The following ABCB11 variants were observed in gnomAD, a reference collection of about 807,000 sequenced individuals.
ABCB11 encodes bile salt export pump.
Under a neutral mutation model 148.0 loss-of-function variants are expected in ABCB11, and 95 were observed. The observed-to-expected ratio is 0.64, with a 90% CI of 0.54 to 0.76. The LOEUF is 0.76. Ranked by LOEUF, ABCB11 falls within the 30% of genes least tolerant of loss-of-function variation. The probability of loss-of-function intolerance (pLI) is 0.00; values close to 1 mark genes in which losing one functional copy is unlikely to be tolerated. For synonymous variants in ABCB11, 591 were observed against 555.4 expected, an observed-to-expected ratio of 1.06 and a Z score of -0.90; for missense variants, 1,523 against 1,617.8, an observed-to-expected ratio of 0.94 and a Z score of 1.01.
intron 10 of ABCB11, among the ~76,000 whole-genome samples, chr2:168,983,341 G>A (rs1694198133): frequency 6.6e-6 from 1 of 152,084 alleles, no homozygotes; most frequent in Non-Finnish European, 1.5e-5. Context: ...GTTCTTAGGA[G>A]GAATTGGATC....
intron 4 of ABCB11, 66 bp downstream of exon 4, chr2:169,014,237 T>TGAGG: frequency 6.9e-7 from 1 of 1,440,326 alleles, no homozygotes; most frequent in Non-Finnish European, 9.8e-7. Context: ...GATTTAACAC[T>TGAGG]CCCCTCATGA....
Position 168,944,781 on chromosome 2 carries a change from G to A in ABCB11, c.2449-15C>T, listed in dbSNP as rs1692227425. 1 of 1,609,476 alleles carries A rather than the reference G, an allele frequency of 6.2e-7. No homozygotes were observed. The highest frequency in any genetic ancestry group is 1.3e-5 in the African/African-American group (1 of 74,612). On this transcript the variant is annotated splice_polypyrimidine_tract_variant and intron_variant, in intron 20 of 27. Transcript: ENST00000650372. ...AAGGCATATCCCTAAAACATGAAGA[G>A]GGAGATGTTAGAGAAATTTTAATGA...
At chr2:168,925,160 A>G (rs2105877598) in intron 26 of ABCB11, among the ~76,000 whole-genome samples, 1 of 152,310 alleles carries the variant, frequency 6.6e-6, no homozygotes, top group South Asian at 2.1e-4. Flanking sequence ...AATCCTTCCA[A>G]TATGGACTAA....
intron 22 of ABCB11, among the ~76,000 whole-genome samples, 196 bp from the exon 23 acceptor site, chr2:168,935,621 G>A (rs1458420469): frequency 6.6e-6 from 1 of 152,146 alleles, no homozygotes; most frequent in Non-Finnish European, 1.5e-5. Flanking sequence ...TTAAATTCAA[G>A]TTTCCCTTAA....
intron 10 of ABCB11, among the ~76,000 whole-genome samples, chr2:168,980,381 A>G (rs929334935): frequency 1.3e-5 from 2 of 152,134 alleles, no homozygotes; most frequent in African/African-American, 4.8e-5. Flanking sequence ...ACAGACACTA[A>G]GATCAGCCTG....
At position 168,986,159 on chromosome 2, in the gene ABCB11, G is replaced by A. The variant is rs1694312136; in HGVS notation, c.1034C>T (p.Ser345Phe). The change falls in exon 10 of 28, where the codon TCC (serine) becomes TTC (phenylalanine). Residue 345 changes from serine to phenylalanine, a missense_variant. Ser to Phe is a radical substitution (Grantham distance 155, BLOSUM62 -2). Coordinates refer to ENST00000650372, the MANE Select transcript of ABCB11 (RefSeq NM_003742.4). ...LCYALAFWYG[S>F]TLVLDEGEYT... ...TTCTCCTTCATCCAGGACAAGTGTG[G>A]AGCCGTACCAGAAGGCCAGTGCATA... 6.2e-7 allele frequency: 1 copy of A among 1,612,952 alleles called. No individual in the cohort carries two copies. Among genetic ancestry groups the A allele is most frequent in the East Asian group, 2.2e-5 (1 of 44,794 alleles).
intron 19 of ABCB11, among the ~76,000 whole-genome samples, chr2:168,945,990 T>C (rs1692287440): frequency 6.6e-6 from 1 of 151,844 alleles, no homozygotes; most frequent in Non-Finnish European, 1.5e-5. Flanking sequence ...TTTTAGTGTA[T>C]AATGCTTAGT....
At chr2:168,993,639 C>T (rs1038989956) in intron 8 of ABCB11, 72 bp downstream of exon 8, 2 of 1,434,926 alleles carry the variant, frequency 1.4e-6, no homozygotes, top group Admixed American at 2.1e-5. Flanking sequence ...AAAAGGGACT[C>T]AAGCTTCACA....
chr2:169,017,904 C>T (rs1227084869), intron 2 of ABCB11, 146 bp downstream of exon 2: 1 of 790,968 alleles, frequency 1.3e-6, no homozygotes, highest in Non-Finnish European at 2.3e-6. Flanking sequence ...GGGAGAGCCA[C>T]ACAGTTGTGT....
At chr2:168,964,157 C>T in intron 18 of ABCB11, 49 bp downstream of exon 18, 2 of 1,396,990 alleles carry the variant, frequency 1.4e-6, no homozygotes, top group Non-Finnish European at 9.9e-7. Flanking sequence ...CCCAACAGTC[C>T]CCAGGAGAGA....
At position 168,993,718 on chromosome 2, in the gene ABCB11, A is replaced by G; in HGVS notation, c.776T>C (p.Ile259Thr). The G allele has an allele frequency of 1.2e-6, 2 of 1,608,460 alleles. No individual in the cohort carries two copies. Among genetic ancestry groups the G allele is most frequent in the Non-Finnish European group, 1.7e-6 (2 of 1,177,152 alleles). The change falls in exon 8 of 28, where the codon ATT becomes ACT. Residue 259 changes from isoleucine to threonine, a missense_variant. Physicochemically the swap from Ile to Thr is moderately conservative, Grantham distance 89. Coordinates refer to ENST00000650372, the MANE Select transcript of ABCB11 (RefSeq NM_003742.4). The part of the protein sequence containing the change: ...SPLIGIGAAT[I>T]GLSVSKFTDY... Reference sequence around the variant, plus strand: ...GCAAAAAGACATTCTTACCAGACCAATGGTGGCTGCTCCAATCCCAATGAG... The same window carrying G: ...GCAAAAAGACATTCTTACCAGACCAGTGGTGGCTGCTCCAATCCCAATGAG...
chr2:169,000,198 G>A (rs571827792), intron 5 of ABCB11, among the ~76,000 whole-genome samples: 3 of 151,454 alleles, frequency 2.0e-5, no homozygotes, highest in Non-Finnish European at 2.9e-5. Context: ...TTATATATTC[G>A]GGATCCTAGT....
At position 168,924,779 on chromosome 2, in the gene ABCB11, G is replaced by C. The variant is rs953973960; in HGVS notation, c.3643C>G (p.Gln1215Glu). Reference protein sequence around the residue: ...PEKYETNVGSQGSQLSRGEKQ... With the variant: ...PEKYETNVGSEGSQLSRGEKQ... ...TCCCCTCTAGAGAGTTGAGACCCCT[G>C]GGACCCAACGTTAGTTTCATATTTC... Residue 1215 changes from glutamine to glutamate, a missense_variant, in exon 27 of 28, where the codon CAG becomes GAG. Transcript: ENST00000650372. 5 of 1,606,394 alleles carry C rather than the reference G, an allele frequency of 3.1e-6. No homozygotes were observed. The African/African-American group carries it at 6.7e-5, about 22-fold the overall frequency.
At chr2:168,941,739 A>G (rs1028371616) in intron 21 of ABCB11, among the ~76,000 whole-genome samples, 3 of 152,070 alleles carry the variant, frequency 2.0e-5, no homozygotes, top group African/African-American at 7.2e-5. Context: ...GGAAGAGTCA[A>G]TTGATGAGGC....
At chr2:169,009,880 G>C (rs995219737) in intron 5 of ABCB11, among the ~76,000 whole-genome samples, 1 of 152,140 alleles carries the variant, frequency 6.6e-6, no homozygotes, top group African/African-American at 2.4e-5. Context: ...CATTACAAAA[G>C]TATATAGCCT....
chr2:169,013,654 G>A (rs576688293), intron 4 of ABCB11, 144 bp from the exon 5 acceptor site: 10 of 611,026 alleles, frequency 1.6e-5, no homozygotes, highest in East Asian at 1.4e-4. Flanking sequence ...GGCAGAGTTC[G>A]TATACTAATT....
intron 17 of ABCB11, among the ~76,000 whole-genome samples, chr2:168,965,733 T>C (rs571387312): frequency 1.3e-5 from 2 of 151,932 alleles, no homozygotes. Context: ...TTTAGTGCCA[T>C]CTAGATGAAT....
intron 18 of ABCB11, among the ~76,000 whole-genome samples, chr2:168,958,895 GT>G (rs1405737113): frequency 6.6e-6 from 1 of 151,600 alleles, no homozygotes; most frequent in African/African-American, 2.4e-5. Context: ...TCATTAATTT[GT>G]TAAATTTATT....
chr2:169,022,932 T>C (rs185747380), intron 1 of ABCB11, among the ~76,000 whole-genome samples: 3 of 152,120 alleles, frequency 2.0e-5, no homozygotes, highest in Admixed American at 2.0e-4. Flanking sequence ...TCCATTCCTG[T>C]TTTGAAAACC....
Sources: gnomAD v4.1 joint callset for allele counts (sites outside exome capture counted in the v4.1 genomes callset) on GRCh38, gnomAD v4.1.1 for gene constraint, MANE v1.5 for transcripts, NCBI Gene and HGNC (gene_info 2026-07-23, HGNC 2026-07-21) for gene names.